The following IGF2BP3 variants were observed in gnomAD, a reference collection of about 807,000 sequenced individuals.
The protein encoded by IGF2BP3 is insulin like growth factor 2 mRNA binding protein 3.
Under a neutral mutation model 73.8 loss-of-function variants are expected in IGF2BP3, and 9 were observed. The observed-to-expected ratio is 0.12, with a 90% CI of 0.07 to 0.21. The LOEUF is 0.21. Ranked by LOEUF, IGF2BP3 falls within the 10% of genes least tolerant of loss-of-function variation. The pLI is 1.00. For missense variants in IGF2BP3, 542 were observed against 714.0 expected (o/e 0.76, Z 2.75); for synonymous variants, 258 against 256.7 (o/e 1.01, Z -0.05).
intron 3 of IGF2BP3, among the ~76,000 whole-genome samples, chr7:23,375,785 T>A (rs1205094597): frequency 6.6e-6 from 1 of 152,142 alleles, no homozygotes; most frequent in Non-Finnish European, 1.5e-5. Context: ...AGTTTAAAAG[T>A]AAGAATAAAA....
At chr7:23,320,179 T>C (rs1291380769) in intron 10 of IGF2BP3, among the ~76,000 whole-genome samples, 1 of 152,140 alleles carries the variant, frequency 6.6e-6, no homozygotes, top group South Asian at 2.1e-4. Flanking sequence ...CCCAAAGTGC[T>C]GGGATTACAG....
intron 3 of IGF2BP3, among the ~76,000 whole-genome samples, chr7:23,406,749 T>C (rs1786844178): frequency 6.6e-6 from 1 of 152,104 alleles, no homozygotes; most frequent in South Asian, 2.1e-4. Context: ...TGGTCCATTT[T>C]ACAGAGTGCT....
intron 3 of IGF2BP3, among the ~76,000 whole-genome samples, chr7:23,396,117 GA>G (rs371186446): frequency 5.3e-4 from 80 of 149,898 alleles, no homozygotes; most frequent in African/African-American, 1.9e-3. Context: ...TTCAGTGAGT[GA>G]ATACTGACCA....
intron 3 of IGF2BP3, among the ~76,000 whole-genome samples, chr7:23,401,103 C>T (rs1219503330): frequency 1.3e-5 from 2 of 152,136 alleles, no homozygotes; most frequent in African/African-American, 4.8e-5. Context: ...AGCCCAAAAC[C>T]CTAATTGTTA....
intron 3 of IGF2BP3, among the ~76,000 whole-genome samples, chr7:23,364,930 C>T (rs752893170): frequency 4.6e-5 from 7 of 152,072 alleles, no homozygotes; most frequent in Non-Finnish European, 1.0e-4. Context: ...CTTTGGGAGG[C>T]CGAGGCAGGT....
chr7:23,357,587 A>G (rs545302045), intron 5 of IGF2BP3, among the ~76,000 whole-genome samples: 1 of 152,272 alleles, frequency 6.6e-6, no homozygotes, highest in Non-Finnish European at 1.5e-5. Context: ...ACATCTCTGG[A>G]AGAGGGAAGG....
Position 23,312,047 on chromosome 7 carries a change from AAGAATT to A in IGF2BP3, c.*309_*314del, listed in dbSNP as rs1783845034. ...TCTGGCATTATGGGGGAATATTAAGAAGAATTAGAATATCTGTTATACTGTGAGACT... is the reference window on the plus strand; with the variant it reads ...TCTGGCATTATGGGGGAATATTAAGAAGAATATCTGTTATACTGTGAGACT... On this transcript the variant is annotated 3_prime_UTR_variant, in exon 15 of 15. Coordinates refer to ENST00000258729, the MANE Select transcript of IGF2BP3 (RefSeq NM_006547.3). The A allele has an allele frequency of 3.9e-6, 1 of 257,672 alleles. No individual in the cohort carries two copies. The highest frequency in any genetic ancestry group is 2.2e-5 in the African/African-American group (1 of 45,206). The allele number at this position is 257,672 out of a possible 1,614,324, so 16.0% of individuals were successfully genotyped here. A position where few individuals can be genotyped will look rare whatever the true frequency, so the allele number is the denominator to read the frequency against.
chr7:23,367,478 T>C (rs1785412780), intron 3 of IGF2BP3, among the ~76,000 whole-genome samples: 1 of 137,716 alleles, frequency 7.3e-6, no homozygotes, highest in Non-Finnish European at 1.5e-5. Context: ...AACAAAAAGC[T>C]TTCCACTCTA....
chr7:23,351,338 G>A lies in IGF2BP3; in HGVS notation c.650C>T (p.Thr217Ile). 1 of 1,613,860 alleles carries A rather than the reference G, an allele frequency of 6.2e-7. No individual in the cohort carries two copies. The highest frequency in any genetic ancestry group is 8.5e-7 in the Non-Finnish European group (1 of 1,179,884). The stretch of plus-strand genomic sequence containing the variant: ...GGTCTGTTTGGTGATGTTCCGAATG[G>A]TGGCACCTTCTTTTCCTATGATGGC... ...VGAIIGKEGA[T>I]IRNITKQTQS... Residue 217 changes from threonine (T) to isoleucine (I), a missense_variant, in exon 6 of 15, where the codon ACC (threonine) becomes ATC (isoleucine). Coordinates refer to ENST00000258729, the MANE Select transcript of IGF2BP3 (RefSeq NM_006547.3).
intron 2 of IGF2BP3, among the ~76,000 whole-genome samples, chr7:23,466,611 G>A (rs1480045874): frequency 6.6e-6 from 1 of 152,186 alleles, no homozygotes; most frequent in African/African-American, 2.4e-5. Context: ...TCCTAAAGAG[G>A]AACTCCTGTT....
intron 2 of IGF2BP3, among the ~76,000 whole-genome samples, chr7:23,461,072 G>C (rs150457700): frequency 3.3e-5 from 5 of 152,128 alleles, no homozygotes; most frequent in Non-Finnish European, 7.4e-5. Flanking sequence ...ATTTACAGCA[G>C]AGCCAGGCCG....
chr7:23,351,869 C>T (rs1280221101), intron 5 of IGF2BP3, among the ~76,000 whole-genome samples: 1 of 151,984 alleles, frequency 6.6e-6, no homozygotes, highest in East Asian at 1.9e-4. Context: ...AATAGAAAAA[C>T]AAAAAACATT....
chr7:23,363,519 T>C (rs1192371202), intron 3 of IGF2BP3, among the ~76,000 whole-genome samples: 1 of 152,236 alleles, frequency 6.6e-6, no homozygotes, highest in African/African-American at 2.4e-5. Flanking sequence ...AGTGCTGAGA[T>C]TACAGGCGTG....
At chr7:23,373,177 T>C (rs1330869005) in intron 3 of IGF2BP3, among the ~76,000 whole-genome samples, 4 of 152,224 alleles carry the variant, frequency 2.6e-5, no homozygotes, top group South Asian at 2.1e-4. Flanking sequence ...AAGTACTAAA[T>C]ACGATACTTC....
intron 10 of IGF2BP3, among the ~76,000 whole-genome samples, chr7:23,321,721 G>A (rs1784157927): frequency 6.6e-6 from 1 of 152,232 alleles, no homozygotes; most frequent in Non-Finnish European, 1.5e-5. Context: ...CACAGCTAGA[G>A]CTCTGAGAAC....
At chr7:23,382,894 C>CAAAAAAAAAA (rs57466793) in intron 3 of IGF2BP3, among the ~76,000 whole-genome samples, 9 of 49,110 alleles carry the variant, frequency 1.8e-4, no homozygotes, top group East Asian at 9.5e-4. Context: ...CTAGCTCTAC[C>CAAAAAAAAAA]AAAAAAAAAA....
intron 10 of IGF2BP3, among the ~76,000 whole-genome samples, chr7:23,338,442 AC>A (rs1472093578): frequency 6.6e-6 from 1 of 152,102 alleles, no homozygotes; most frequent in East Asian, 1.9e-4. Flanking sequence ...GATCACTTGC[AC>A]CCAGGAGTTC....
intron 13 of IGF2BP3, 44 bp downstream of exon 13, chr7:23,313,478 C>G: frequency 4.4e-6 from 7 of 1,599,930 alleles, no homozygotes; most frequent in Non-Finnish European, 6.0e-6. Context: ...CCTTTCAACG[C>G]TTTCCCTTTC....
At chr7:23,331,124 G>C (rs1483627826) in intron 10 of IGF2BP3, among the ~76,000 whole-genome samples, 1 of 152,114 alleles carries the variant, frequency 6.6e-6, no homozygotes, top group Admixed American at 6.5e-5. Flanking sequence ...AAAGTGAAAG[G>C]CATGATTTAT....
Sources: gnomAD v4.1 joint callset for allele counts (sites outside exome capture counted in the v4.1 genomes callset) on GRCh38, gnomAD v4.1.1 for gene constraint, MANE v1.5 for transcripts, NCBI Gene and HGNC (gene_info 2026-07-23, HGNC 2026-07-21) for gene names.